The following ASCC1 variants were observed in gnomAD, a reference collection of about 807,000 sequenced individuals.
The protein encoded by ASCC1 is activating signal cointegrator 1 complex subunit 1, also known as ASC-1 complex subunit P50.
Under a neutral mutation model 46.6 loss-of-function variants are expected in ASCC1, and 35 were observed. The observed-to-expected ratio is 0.75, with a 90% confidence interval of 0.57 to 0.99. ASCC1 has a LOEUF of 0.99. Ranked by LOEUF, ASCC1 falls within the 50% of genes least tolerant of loss-of-function variation. ASCC1 has a pLI of 0.00. For missense variants in ASCC1, 376 were observed against 428.7 expected (o/e 0.88, Z 1.09); for synonymous variants, 143 against 146.6 (o/e 0.98, Z 0.18).
intron 7 of ASCC1, among the ~76,000 whole-genome samples, chr10:72,148,098 A>G (rs555801384): frequency 6.6e-6 from 1 of 152,342 alleles, no homozygotes; most frequent in Non-Finnish European, 1.5e-5. Flanking sequence ...TGCTAGTAGC[A>G]GTATATTCTT....
At chr10:72,106,203 G>T (rs906337701) in intron 9 of ASCC1, among the ~76,000 whole-genome samples, 1 of 152,130 alleles carries the variant, frequency 6.6e-6, no homozygotes, top group African/African-American at 2.4e-5. Flanking sequence ...CAGTTTTGAA[G>T]TTAAAAATGA....
chr10:72,113,012 A>G (rs1449496624), intron 9 of ASCC1, among the ~76,000 whole-genome samples: 3 of 152,204 alleles, frequency 2.0e-5, no homozygotes, highest in Admixed American at 2.0e-4. Flanking sequence ...AGTATTTTCT[A>G]CAGTAAGAAC....
chr10:72,133,935 C>CA (rs1845889497), intron 7 of ASCC1: 1 of 152,306 alleles, frequency 6.6e-6, no homozygotes, highest in Non-Finnish European at 1.5e-5. Flanking sequence ...GAAGCCAAGG[C>CA]ACAGAGAAGT....
At chr10:72,155,483 T>C (rs971733678) in intron 6 of ASCC1, among the ~76,000 whole-genome samples, 2 of 152,096 alleles carry the variant, frequency 1.3e-5, no homozygotes, top group Admixed American at 6.5e-5. Context: ...TTGGGTGAGG[T>C]TGCACAGGTA....
chr10:72,149,213 C>G (rs1847992618), intron 7 of ASCC1, among the ~76,000 whole-genome samples: 1 of 151,264 alleles, frequency 6.6e-6, no homozygotes, highest in African/African-American at 2.4e-5. Context: ...CCAAGGTGGA[C>G]AGAGCACAAG....
rs532053841 is a variant in ASCC1 at position 72,141,088 on chromosome 10, T to C, written c.747-7907A>G. Among the ~76,000 whole-genome samples, 410 of 146,532 alleles carry C rather than the reference T, an allele frequency of 2.8e-3. 4 individuals carry two copies. The highest frequency in any genetic ancestry group is 9.6e-3 in the African/African-American group (385 of 39,944). Reference sequence around the variant, plus strand: ...AGATAGATAGATAGATAGATAGATATAGATATAGACATAGAGATATAGATA... The same window carrying C: ...AGATAGATAGATAGATAGATAGATACAGATATAGACATAGAGATATAGATA... On this transcript the variant is annotated intron_variant, in intron 7 of 9. Transcript: ENST00000672957.
chr10:72,177,061 T>C (rs1259917103), intron 5 of ASCC1, among the ~76,000 whole-genome samples: 1 of 152,000 alleles, frequency 6.6e-6, no homozygotes, highest in Non-Finnish European at 1.5e-5. Context: ...AAGAGTAGAG[T>C]CCATTGTTGG....
At chr10:72,184,532 T>C (rs1853159624) in intron 5 of ASCC1, among the ~76,000 whole-genome samples, 1 of 151,990 alleles carries the variant, frequency 6.6e-6, no homozygotes, top group South Asian at 2.1e-4. Context: ...ATCAAAAAAG[T>C]AGACCAGAAC....
At chr10:72,160,598 C>T (rs1849527223) in intron 6 of ASCC1, among the ~76,000 whole-genome samples, 1 of 152,014 alleles carries the variant, frequency 6.6e-6, no homozygotes, top group Non-Finnish European at 1.5e-5. Flanking sequence ...TGGCAGCTCA[C>T]GCCTGTAATC....
chr10:72,203,771 A>G (rs1401631530), intron 3 of ASCC1, among the ~76,000 whole-genome samples: 2 of 152,078 alleles, frequency 1.3e-5, no homozygotes, highest in Admixed American at 6.6e-5. Flanking sequence ...CATGCCCAAC[A>G]CCCGTTTGCT....
intron 7 of ASCC1, 146 bp downstream of exon 7, chr10:72,152,723 A>C: frequency 9.9e-7 from 1 of 1,012,518 alleles, no homozygotes; most frequent in Non-Finnish European, 1.4e-6. Context: ...CAAGAGATTA[A>C]CTTACTATTA....
At chr10:72,194,357 C>CA (rs60115417) in intron 5 of ASCC1, among the ~76,000 whole-genome samples, 1,523 of 120,238 alleles carry the variant, frequency 0.013, 11 homozygotes, top group African/African-American at 0.03. Context: ...AACTGAAATA[C>CA]AAAAAAAAAA....
rs544916330 is a variant in ASCC1 at position 72,109,274 on chromosome 10, TG to T, written c.958-11825del. 2.3e-3 allele frequency among the ~76,000 whole-genome samples: 354 copies of T among 152,262 alleles called. 3 individuals carry two copies. The highest frequency in any genetic ancestry group is 7.9e-3 in the African/African-American group (329 of 41,542). On this transcript the variant is annotated intron_variant, in intron 9 of 9. Coordinates refer to ENST00000672957, the MANE Select transcript of ASCC1 (RefSeq NM_001198800.3). The stretch of plus-strand genomic sequence containing the variant: ...AAGGCTGTTAAGTCAGTAGAACAGC[TG>T]TGATTTTTCAACCCATCAGCAGGCC...
intron 5 of ASCC1, among the ~76,000 whole-genome samples, chr10:72,166,967 G>A (rs1296132829): frequency 6.6e-6 from 1 of 150,450 alleles, no homozygotes; most frequent in African/African-American, 2.5e-5. Context: ...GAAAAACCGA[G>A]CAGCCACTTT....
At chr10:72,135,375 T>C (rs956389034) in intron 7 of ASCC1, among the ~76,000 whole-genome samples, 6 of 151,932 alleles carry the variant, frequency 3.9e-5, no homozygotes, top group Admixed American at 2.0e-4. Context: ...CTATGTTAAG[T>C]AGAGTGATCA....
chr10:72,190,417 C>T (rs1589544531), intron 5 of ASCC1: 2 of 1,597,562 alleles, frequency 1.3e-6, no homozygotes, highest in East Asian at 2.2e-5. Flanking sequence ...AGTGGATCAC[C>T]AAACCAGTCC....
At chr10:72,108,482 T>C (rs1428855851) in intron 9 of ASCC1, among the ~76,000 whole-genome samples, 1 of 152,212 alleles carries the variant, frequency 6.6e-6, no homozygotes, top group Non-Finnish European at 1.5e-5. Context: ...ATAGAAAATG[T>C]TATAATCCTA....
intron 8 of ASCC1, among the ~76,000 whole-genome samples, chr10:72,130,673 G>A (rs1394384706): frequency 6.6e-6 from 1 of 152,178 alleles, no homozygotes; most frequent in East Asian, 1.9e-4. Context: ...ATAAAATACT[G>A]TCTATACCTG....
At chr10:72,141,303 C>T (rs1846984336) in intron 7 of ASCC1, among the ~76,000 whole-genome samples, 1 of 152,126 alleles carries the variant, frequency 6.6e-6, no homozygotes, top group Admixed American at 6.5e-5. Flanking sequence ...TAATAATCTA[C>T]AGTGAATACT....
Sources: gnomAD v4.1 joint callset for allele counts (sites outside exome capture counted in the v4.1 genomes callset) on GRCh38, gnomAD v4.1.1 for gene constraint, MANE v1.5 for transcripts, NCBI Gene and HGNC (gene_info 2026-07-23, HGNC 2026-07-21) for gene names.